The following NEDD4 variants were observed in gnomAD, a reference collection of about 807,000 sequenced individuals.
NEDD4 encodes NEDD4 E3 ubiquitin protein ligase.
Under a neutral mutation model 144.9 loss-of-function variants are expected in NEDD4, and 99 were observed. The observed-to-expected ratio is 0.68, with a 90% CI of 0.58 to 0.81. The LOEUF is 0.81. Ranked by LOEUF, NEDD4 falls within the 30% of genes least tolerant of loss-of-function variation. The pLI, the probability that NEDD4 is intolerant of heterozygous loss-of-function variation, is 0.00. For synonymous variants in NEDD4, 318 were observed against 350.6 expected (o/e 0.91, Z 1.04); for missense variants, 985 against 1,065.9 (o/e 0.92, Z 1.06).
intron 5 of NEDD4, among the ~76,000 whole-genome samples, chr15:55,906,247 A>G (rs1253749898): frequency 6.6e-6 from 1 of 152,232 alleles, no homozygotes; most frequent in African/African-American, 2.4e-5. Flanking sequence ...ATCTAGAACT[A>G]GAAATACCAT....
At chr15:55,934,553 G>A (rs1280325287) in intron 4 of NEDD4, 1 of 151,986 alleles carries the variant, frequency 6.6e-6, no homozygotes, top group Non-Finnish European at 1.5e-5. Context: ...TAATTTAAAT[G>A]TTTTATGTCT....
chr15:55,927,092 AAAAAAAAG>A (rs1409803154), intron 4 of NEDD4, among the ~76,000 whole-genome samples: 3 of 150,766 alleles, frequency 2.0e-5, no homozygotes, highest in Non-Finnish European at 3.0e-5. Flanking sequence ...AAAAAAAAAA[AAAAAAAAG>A]AAAGAAAGAA....
intron 1 of NEDD4, among the ~76,000 whole-genome samples, chr15:55,986,286 G>C (rs1481620402): frequency 6.6e-6 from 1 of 152,126 alleles, no homozygotes; most frequent in Non-Finnish European, 1.5e-5. Context: ...ATAGGATATT[G>C]GCATAATCTT....
intron 2 of NEDD4, among the ~76,000 whole-genome samples, chr15:55,956,968 C>T (rs1330863556): frequency 6.6e-6 from 1 of 152,166 alleles, no homozygotes; most frequent in Non-Finnish European, 1.5e-5. Flanking sequence ...TCTTCGACTT[C>T]TCTCAGCACT....
chr15:55,917,550 C>T (rs1023424781), intron 5 of NEDD4, among the ~76,000 whole-genome samples: 1 of 151,812 alleles, frequency 6.6e-6, no homozygotes, highest in South Asian at 2.1e-4. Context: ...TTTAGCACTA[C>T]ATCAAATAGA....
intron 17 of NEDD4, among the ~76,000 whole-genome samples, chr15:55,847,405 C>T (rs1047173474): frequency 5.9e-5 from 9 of 152,120 alleles, no homozygotes; most frequent in Non-Finnish European, 1.2e-4. Context: ...GTACTTTTTC[C>T]TTGAACTCCA....
At chr15:55,957,135 C>T (rs1397438959) in intron 2 of NEDD4, among the ~76,000 whole-genome samples, 1 of 152,156 alleles carries the variant, frequency 6.6e-6, no homozygotes. Context: ...GTTATACAAA[C>T]ACTGACTTTG....
intron 1 of NEDD4, among the ~76,000 whole-genome samples, chr15:55,992,570 C>G (rs7181344): frequency 6.6e-5 from 10 of 151,956 alleles, no homozygotes; most frequent in Non-Finnish European, 1.5e-4. Context: ...AAGCAAAAAA[C>G]TTGATTTTTT....
At chr15:55,895,813 A>T (rs2035721241) in intron 5 of NEDD4, among the ~76,000 whole-genome samples, 1 of 152,224 alleles carries the variant, frequency 6.6e-6, no homozygotes, top group African/African-American at 2.4e-5. Flanking sequence ...AGGCCATCTA[A>T]CGCTGGTCAT....
chr15:55,837,760 T>A (rs753713408), intron 24 of NEDD4, 29 bp downstream of exon 24: 1 of 1,570,162 alleles, frequency 6.4e-7, no homozygotes, highest in Non-Finnish European at 8.8e-7. Flanking sequence ...TGTGACATTA[T>A]GGAAGAGCAA....
chr15:55,944,268 C>T (rs754258493), intron 4 of NEDD4, among the ~76,000 whole-genome samples: 9 of 152,230 alleles, frequency 5.9e-5, no homozygotes, highest in Non-Finnish European at 1.2e-4. Flanking sequence ...CCTGGAAAAA[C>T]AGGACACTTC....
intron 5 of NEDD4, among the ~76,000 whole-genome samples, chr15:55,892,639 AAC>A (rs113733285): frequency 0.1 from 15,461 of 152,188 alleles, 862 homozygotes; most frequent in Admixed American, 0.15. Flanking sequence ...AAGAAAATGA[AAC>A]AGTTTCTACC....
At chr15:55,861,601 G>A (rs1160642731) in intron 9 of NEDD4, among the ~76,000 whole-genome samples, 1 of 152,042 alleles carries the variant, frequency 6.6e-6, no homozygotes, top group Admixed American at 6.6e-5. Flanking sequence ...CATTTTACAT[G>A]ATGTGATTAT....
intron 4 of NEDD4, among the ~76,000 whole-genome samples, chr15:55,937,873 A>T (rs1266137746): frequency 6.6e-6 from 1 of 152,262 alleles, no homozygotes; most frequent in Non-Finnish European, 1.5e-5. Flanking sequence ...GAGAAAGAAG[A>T]ACAAAGCTAG....
intron 2 of NEDD4, among the ~76,000 whole-genome samples, chr15:55,963,800 C>T (rs1277796007): frequency 2.6e-5 from 4 of 152,162 alleles, no homozygotes; most frequent in Non-Finnish European, 5.9e-5. Flanking sequence ...TTTAAGATAT[C>T]TTACAGCACA....
Position 55,827,185 on chromosome 15 carries a change from G to T in NEDD4, c.*2712C>A, listed in dbSNP as rs577607521. On this transcript the variant is annotated 3_prime_UTR_variant, in exon 29 of 29. Transcript: ENST00000435532. ...ATTTGAGTTCTGATGAAATGCATTTGTAATACAATTTTGTTAAAAATTTTT... is the reference window on the plus strand; with the variant it reads ...ATTTGAGTTCTGATGAAATGCATTTTTAATACAATTTTGTTAAAAATTTTT... 6.6e-6 allele frequency: 1 copy of T among 152,304 alleles called. No homozygotes were observed. The highest frequency in any genetic ancestry group is 1.9e-4 in the East Asian group (1 of 5,188). The allele number at this position is 152,304 out of a possible 1,614,324, so 9.4% of individuals were successfully genotyped here. A position where few individuals can be genotyped will look rare whatever the true frequency, so the allele number is the denominator to read the frequency against.
At chr15:55,860,169 C>A (rs1344625921) in intron 11 of NEDD4, among the ~76,000 whole-genome samples, 1 of 152,134 alleles carries the variant, frequency 6.6e-6, no homozygotes, top group Non-Finnish European at 1.5e-5. Context: ...AAATGTGTCC[C>A]TAGTGATTTT....
At chr15:55,882,307 A>G (rs1224849434) in intron 5 of NEDD4, among the ~76,000 whole-genome samples, 1 of 151,740 alleles carries the variant, frequency 6.6e-6, no homozygotes. Context: ...GCTGACACCC[A>G]CCCCCTCCAT....
intron 5 of NEDD4, among the ~76,000 whole-genome samples, chr15:55,878,602 C>G (rs1223681353): frequency 6.6e-6 from 1 of 152,150 alleles, no homozygotes; most frequent in African/African-American, 2.4e-5. Context: ...AAATTCTGCT[C>G]CTTGTATTTT....
Sources: allele counts gnomAD v4.1 joint callset (sites outside exome capture counted in the v4.1 genomes callset), GRCh38; gene constraint gnomAD v4.1.1; transcripts MANE v1.5; gene names NCBI Gene and HGNC (gene_info 2026-07-23, HGNC 2026-07-21).